PATL2: variants seen among roughly 807,000 people sequenced by gnomAD.
The protein encoded by PATL2 is protein PAT1 homolog 2.
Under a neutral mutation model 77.0 loss-of-function variants are expected in PATL2, and 73 were observed. The observed-to-expected ratio is 0.95, with a 90% CI of 0.78 to 1.15. The LOEUF (loss-of-function observed/expected upper bound fraction) is 1.15. PATL2 is among the 50% of genes most tolerant of loss of function. PATL2 has a pLI of 0.00. For missense variants in PATL2, 618 were observed against 655.4 expected (o/e 0.94, Z 0.62); for synonymous variants, 265 against 257.1 (o/e 1.03, Z -0.29).
Position 44,676,568 on chromosome 15 carries a change from G to T in PATL2, c.-75-3C>A, listed in dbSNP as rs2085965841. ...TTGCCAGCCTCTGGAAGGTAAACCT[G>T]AGACAAGAAAGAGGCCAAGAGGCAC... On this transcript the variant is annotated splice_region_variant and splice_polypyrimidine_tract_variant and intron_variant, in intron 3 of 17. Coordinates refer to ENST00000682850, the MANE Select transcript of PATL2 (RefSeq NM_001387263.1). 5.2e-6 allele frequency: 8 copies of T among 1,549,508 alleles called. No homozygotes were observed. In the Middle Eastern group the frequency reaches 7.0e-4, roughly 135 times the overall value.
At chr15:44,675,802 C>T (rs775677515) in intron 4 of PATL2, 111 bp from the exon 5 acceptor site, 10 of 904,504 alleles carry the variant, frequency 1.1e-5, no homozygotes, top group Non-Finnish European at 1.5e-5. Context: ...TCTCCAGCAC[C>T]ACCTTTGAAC....
chr15:44,675,481 G>T lies in PATL2; in HGVS notation c.222+5C>A, dbSNP rs1362111896. ...ACCCTCTCCCATTCCCTTCTGCCAT[G>T]GTACCTGGGTGTTGTGGACAGCACC... On this transcript the variant is annotated splice_donor_5th_base_variant and intron_variant, in intron 5 of 17. Transcript: ENST00000682850. The T allele has an allele frequency of 3.9e-6, 6 of 1,550,228 alleles. No homozygotes were observed. The South Asian group carries it at 6.0e-5, about 15-fold the overall frequency.
intron 3 of PATL2, among the ~76,000 whole-genome samples, chr15:44,690,207 T>G (rs1333446717): frequency 1.3e-5 from 2 of 152,142 alleles, no homozygotes; most frequent in African/African-American, 4.8e-5. Context: ...AGTGAGTGTT[T>G]TCTAAATGTA....
At chr15:44,678,780 T>A (rs1265858385) in intron 3 of PATL2, among the ~76,000 whole-genome samples, 1 of 152,136 alleles carries the variant, frequency 6.6e-6, no homozygotes, top group Non-Finnish European at 1.5e-5. Context: ...ACCCCATCTC[T>A]ATTAAAAATT....
chr15:44,706,260 T>G (rs1372779980), intron 3 of PATL2, among the ~76,000 whole-genome samples: 2 of 152,216 alleles, frequency 1.3e-5, no homozygotes, highest in Non-Finnish European at 2.9e-5. Context: ...TTATAGTCTT[T>G]GCAGTCTGGG....
chr15:44,692,593 C>T (rs1003857725), intron 3 of PATL2, among the ~76,000 whole-genome samples: 3 of 152,210 alleles, frequency 2.0e-5, no homozygotes, highest in Non-Finnish European at 4.4e-5. Context: ...TTCCCCAGTG[C>T]CGAGGAGCTA....
chr15:44,705,811 G>GTTTTTTTTTT lies in PATL2; in HGVS notation c.-76+4284_-76+4285insAAAAAAAAAA, dbSNP rs371254036. Among the ~76,000 whole-genome samples, 7 of 135,406 alleles carry GTTTTTTTTTT rather than the reference G, an allele frequency of 5.2e-5. 2 individuals carry two copies. Among genetic ancestry groups the GTTTTTTTTTT allele is most frequent in the Admixed American group, 7.5e-5 (1 of 13,394 alleles). The allele number at this position is 135,406 out of a possible 152,430, so 88.8% of individuals were successfully genotyped here. On this transcript the variant is annotated intron_variant, in intron 3 of 17. Transcript: ENST00000682850. Reference sequence around the variant, plus strand: ...TTTCTTTGAGTTTCCTCAAAACATTGTTTTTTTTTAGACAGAGTCTTGCTC... The same window carrying GTTTTTTTTTT: ...TTTCTTTGAGTTTCCTCAAAACATTGTTTTTTTTTTTTTTTTTTTAGACAGAGTCTTGCTC...
chr15:44,686,898 T>C (rs1374426123), intron 3 of PATL2, among the ~76,000 whole-genome samples: 1 of 151,960 alleles, frequency 6.6e-6, no homozygotes, highest in Non-Finnish European at 1.5e-5. Context: ...AGTTCTGAAA[T>C]TGAGGCAGTA....
At chr15:44,690,769 T>C (rs1034612983) in intron 3 of PATL2, among the ~76,000 whole-genome samples, 1 of 152,194 alleles carries the variant, frequency 6.6e-6, no homozygotes, top group African/African-American at 2.4e-5. Context: ...CAGATCTTTT[T>C]AGCAATAGCT....
chr15:44,711,374 A>G, upstream of PATL2: 1 of 750,308 alleles, frequency 1.3e-6, no homozygotes, highest in Admixed American at 2.1e-5. Context: ...AGACTCTAAG[A>G]AAAGGAAACT....
chr15:44,675,429 C>G (rs907182051), intron 5 of PATL2, 57 bp downstream of exon 5: 3 of 1,474,676 alleles, frequency 2.0e-6, no homozygotes, highest in Non-Finnish European at 2.7e-6. Flanking sequence ...TTAGTGACAG[C>G]CTGTGAGCCA....
At chr15:44,684,668 A>G (rs770526850) in intron 3 of PATL2, among the ~76,000 whole-genome samples, 39 of 152,124 alleles carry the variant, frequency 2.6e-4, no homozygotes, top group Non-Finnish European at 5.1e-4. Context: ...GCTGGAAAAC[A>G]CTCTTCAGGA....
At chr15:44,710,772 T>C (rs2086842278) in intron 2 of PATL2, among the ~76,000 whole-genome samples, 99 bp downstream of exon 2, 1 of 152,184 alleles carries the variant, frequency 6.6e-6, no homozygotes, top group African/African-American at 2.4e-5. Context: ...TAGAGGGCGC[T>C]GGAAGCTCTA....
In PATL2 at chr15:44,675,615, CTCT is replaced by C. The variant is rs749816236; in HGVS notation, c.90_92del (p.Glu31del). Reference sequence around the variant, plus strand: ...CCTCTTCCTCCTCCTCCCCTTCATTCTCTTCTTCTTTTTCCAACTGGCAGGCAG... The same window carrying C: ...CCTCTTCCTCCTCCTCCCCTTCATTCTCTTCTTTTTCCAACTGGCAGGCAG... On this transcript the variant is annotated inframe_deletion, in exon 5 of 18. Transcript: ENST00000682850. The C allele has an allele frequency of 1.6e-5, 25 of 1,551,894 alleles. No individual in the cohort carries two copies. Among genetic ancestry groups the C allele is most frequent in the South Asian group, 4.8e-5 (4 of 84,056 alleles).
chr15:44,709,015 C>T (rs1251498169), intron 3 of PATL2, among the ~76,000 whole-genome samples: 2 of 152,198 alleles, frequency 1.3e-5, no homozygotes, highest in Non-Finnish European at 2.9e-5. Context: ...TCTCCTGCCT[C>T]AGCCTCCTGA....
intron 6 of PATL2, among the ~76,000 whole-genome samples, 163 bp from the exon 7 acceptor site, chr15:44,673,540 T>C (rs1159222035): frequency 6.6e-6 from 1 of 152,216 alleles, no homozygotes; most frequent in East Asian, 1.9e-4. Context: ...GGCACCAGAC[T>C]ATGGTTCCTG....
At chr15:44,672,516 C>T (rs374681760) in intron 7 of PATL2, 60 bp from the exon 8 acceptor site, 1 of 1,476,770 alleles carries the variant, frequency 6.8e-7, no homozygotes. Context: ...CTGCCCCCTC[C>T]ATTCATTCAG....
rs770246020 is a variant in PATL2, at chr15:44,673,252, C to A, written c.429G>T (p.Ser143=). The A allele has an allele frequency of 1.2e-5, 19 of 1,551,360 alleles. No homozygotes were observed. The highest frequency in any genetic ancestry group is 1.7e-5 in the Non-Finnish European group (19 of 1,146,964). ...ACCAGTACCTGAACCTAGGGGGCCA[C>A]GAGGTCAGCAGGCTGCAGAAGAGAG... is the stretch of plus-strand genomic sequence containing the variant. The part of the protein sequence containing the change: ...DPTLFCSLLT[S]WPPRFSHLTQ... The change falls in exon 7 of 18, where the codon TCG becomes TCT. Residue 143 remains serine, a synonymous_variant. Transcript: ENST00000682850.
At chr15:44,685,682 C>T (rs558194754) in intron 3 of PATL2, among the ~76,000 whole-genome samples, 201 of 151,712 alleles carry the variant, frequency 1.3e-3, no homozygotes, top group African/African-American at 4.6e-3. Context: ...TGCAAAGACA[C>T]ACATAGGTTC....
Sources: gnomAD v4.1 joint callset for allele counts (sites outside exome capture counted in the v4.1 genomes callset) on GRCh38, gnomAD v4.1.1 for gene constraint, MANE v1.5 for transcripts, NCBI Gene and HGNC (gene_info 2026-07-23, HGNC 2026-07-21) for gene names.